RGS5: variants seen among roughly 807,000 people sequenced by gnomAD.
RGS5 encodes regulator of G protein signaling 5.
RGS5 carries 20 observed loss-of-function variants against 18.9 expected under a neutral mutation model. That is an observed-to-expected ratio of 1.06 (90% confidence interval 0.74 to 1.54). The LOEUF is 1.54. Ranked by LOEUF, RGS5 falls within the 40% of genes most tolerant of loss-of-function variation. RGS5 has a pLI of 0.00. For synonymous variants in RGS5, 57 were observed against 76.2 expected, an observed-to-expected ratio of 0.75 and a Z score of 1.31; for missense variants, 201 against 211.8, an observed-to-expected ratio of 0.95 and a Z score of 0.32.
At chr1:163,304,949 G>A (rs1174004170) in intron 2 of RGS5, 1 of 152,108 alleles carries the variant, frequency 6.6e-6, no homozygotes, top group African/African-American at 2.4e-5. Flanking sequence ...GAACTACTTG[G>A]TTTCTTCTAC....
intron 2 of RGS5, among the ~76,000 whole-genome samples, chr1:163,265,191 C>T (rs1007199096): frequency 1.3e-5 from 2 of 152,068 alleles, no homozygotes; most frequent in Non-Finnish European, 2.9e-5. Flanking sequence ...AAGATGGATA[C>T]CTATTCCATC....
At chr1:163,152,396 C>T in intron 4 of RGS5, 154 bp downstream of exon 4, 1 of 693,614 alleles carries the variant, frequency 1.4e-6, no homozygotes, top group South Asian at 2.9e-5. Context: ...GACCATGTTG[C>T]TCTGCCTTTG....
At chr1:163,319,832 CTG>C (rs1440601758) in intron 1 of RGS5, among the ~76,000 whole-genome samples, 2 of 152,164 alleles carry the variant, frequency 1.3e-5, no homozygotes, top group African/African-American at 4.8e-5. Context: ...CTGCAATAGT[CTG>C]TGTTTTTATG....
chr1:163,201,100 A>G (rs1359681863), intron 1 of RGS5, among the ~76,000 whole-genome samples: 1 of 152,202 alleles, frequency 6.6e-6, no homozygotes, highest in African/African-American at 2.4e-5. Flanking sequence ...TGATGTTACA[A>G]TCATTCTAAA....
intron 1 of RGS5, among the ~76,000 whole-genome samples, chr1:163,175,584 C>A (rs1015120578): frequency 1.5e-4 from 23 of 152,174 alleles, no homozygotes; most frequent in Admixed American, 7.9e-4. Context: ...CAGAGAAAGG[C>A]AGTGCCGGGT....
rs1218680577 is a variant in RGS5, at chr1:163,142,573, A to G, written c.*4769T>C. 1 of 152,132 alleles carries G rather than the reference A, an allele frequency of 6.6e-6. No individual in the cohort carries two copies. Among genetic ancestry groups the G allele is most frequent in the Non-Finnish European group, 1.5e-5 (1 of 68,014 alleles). 9.4% of individuals were successfully genotyped at this position (152,132 alleles called of 1,614,324 possible). On this transcript the variant is annotated 3_prime_UTR_variant, in exon 5 of 5. Coordinates refer to ENST00000313961, the MANE Select transcript of RGS5 (RefSeq NM_003617.4). ...ACATTAAAAAAAAATAGCTCCTTCA[A>G]ATCCTGACACTATATGACATAAAAA...
intron 2 of RGS5, among the ~76,000 whole-genome samples, chr1:163,272,036 C>T (rs1648732512): frequency 6.6e-6 from 1 of 151,558 alleles, no homozygotes; most frequent in Non-Finnish European, 1.5e-5. Context: ...CTCTCTGTCT[C>T]CCTCTCTCTC....
At chr1:163,190,932 G>A (rs1325959104) in intron 1 of RGS5, among the ~76,000 whole-genome samples, 2 of 152,120 alleles carry the variant, frequency 1.3e-5, no homozygotes, top group African/African-American at 4.8e-5. Flanking sequence ...CATTAAAGTA[G>A]GACATGCTGA....
chr1:163,189,519 G>C (rs1021697378), intron 1 of RGS5, among the ~76,000 whole-genome samples: 1 of 152,214 alleles, frequency 6.6e-6, no homozygotes, highest in Admixed American at 6.5e-5. Context: ...CATTGATGGG[G>C]TTAAAACAAG....
intron 2 of RGS5, among the ~76,000 whole-genome samples, chr1:163,248,008 A>G (rs748887163): frequency 6.6e-6 from 1 of 152,232 alleles, no homozygotes; most frequent in Non-Finnish European, 1.5e-5. Context: ...GAAAAGAAAC[A>G]TTAGACACAA....
At chr1:163,279,318 A>G (rs2101717428) in intron 2 of RGS5, among the ~76,000 whole-genome samples, 1 of 152,210 alleles carries the variant, frequency 6.6e-6, no homozygotes, top group Non-Finnish European at 1.5e-5. Flanking sequence ...AATATCAAGT[A>G]TCTTCTTGGA....
chr1:163,171,464 C>T (rs1006781271), intron 1 of RGS5, among the ~76,000 whole-genome samples: 22 of 152,162 alleles, frequency 1.4e-4, no homozygotes, highest in African/African-American at 5.3e-4. Context: ...ACACAATAGT[C>T]CACTCACCAA....
intron 1 of RGS5, among the ~76,000 whole-genome samples, chr1:163,170,136 A>G (rs1236068544): frequency 1.3e-5 from 2 of 152,202 alleles, no homozygotes; most frequent in Admixed American, 1.3e-4. Flanking sequence ...TGGGAGACCC[A>G]AAAAGCTACC....
At chr1:163,255,175 T>G (rs1648237259) in intron 2 of RGS5, among the ~76,000 whole-genome samples, 1 of 152,168 alleles carries the variant, frequency 6.6e-6, no homozygotes, top group Admixed American at 6.5e-5. Context: ...TTTTTTCCAA[T>G]TCTGTGAAGA....
intron 2 of RGS5, among the ~76,000 whole-genome samples, chr1:163,299,415 C>T (rs1649500858): frequency 6.6e-6 from 1 of 152,144 alleles, no homozygotes; most frequent in African/African-American, 2.4e-5. Flanking sequence ...CCATTGAAGA[C>T]AAATGGAGGT....
At chr1:163,289,779 T>G (rs1477566670) in intron 2 of RGS5, among the ~76,000 whole-genome samples, 1 of 152,200 alleles carries the variant, frequency 6.6e-6, no homozygotes, top group East Asian at 1.9e-4. Context: ...AGCTAGAAAT[T>G]ATTTAGGCAG....
intron 2 of RGS5, among the ~76,000 whole-genome samples, chr1:163,287,783 G>A (rs1453810239): frequency 6.6e-6 from 1 of 152,164 alleles, no homozygotes; most frequent in Admixed American, 6.6e-5. Flanking sequence ...TATTTGGGCA[G>A]CCACTTTGCA....
intron 2 of RGS5, among the ~76,000 whole-genome samples, chr1:163,226,294 T>C (rs1647334042): frequency 6.6e-6 from 1 of 152,206 alleles, no homozygotes; most frequent in Non-Finnish European, 1.5e-5. Context: ...TAAAAATTGT[T>C]CACTGGGTAC....
chr1:163,163,101 C>G (rs557858241), intron 2 of RGS5, among the ~76,000 whole-genome samples: 45 of 151,142 alleles, frequency 3.0e-4, no homozygotes, highest in Non-Finnish European at 5.3e-4. Context: ...GCTGCTTGTT[C>G]TACTTTTCAT....
Sources: allele counts gnomAD v4.1 joint callset (sites outside exome capture counted in the v4.1 genomes callset), GRCh38; gene constraint gnomAD v4.1.1; transcripts MANE v1.5; gene names NCBI Gene and HGNC (gene_info 2026-07-23, HGNC 2026-07-21).